BRINP3: variants seen among roughly 807,000 people sequenced by gnomAD.
BRINP3 encodes the protein BMP/retinoic acid inducible neural specific 3, also known as BMP/retinoic acid-inducible neural-specific protein 3.
A neutral mutation model predicts 71.0 loss-of-function variants in BRINP3; 19 were observed. The observed-to-expected ratio is 0.27, with a 90% confidence interval of 0.19 to 0.39. The LOEUF is 0.39. BRINP3 is among the 10% of genes least tolerant of loss of function. The probability of loss-of-function intolerance (pLI) is 1.00; values close to 1 mark genes in which losing one functional copy is unlikely to be tolerated. For synonymous variants in BRINP3, 380 were observed against 337.7 expected, an observed-to-expected ratio of 1.13 and a Z score of -1.37; for missense variants, 959 against 940.8, an observed-to-expected ratio of 1.02 and a Z score of -0.25.
At chr1:190,116,783 C>A (rs777952744) in intron 7 of BRINP3, among the ~76,000 whole-genome samples, 65 of 151,978 alleles carry the variant, frequency 4.3e-4, no homozygotes, top group African/African-American at 1.5e-3. Context: ...TAACTATTTG[C>A]CTGTGAAATA....
At chr1:190,466,904 A>C (rs971799927) in intron 1 of BRINP3, among the ~76,000 whole-genome samples, 1 of 151,654 alleles carries the variant, frequency 6.6e-6, no homozygotes, top group Non-Finnish European at 1.5e-5. Context: ...TAATTTAAAA[A>C]AATTATTGGA....
chr1:190,454,837 C>A lies in BRINP3; in HGVS notation c.54G>T (p.Trp18Cys). 1 of 1,614,164 alleles carries A rather than the reference C, an allele frequency of 6.2e-7. No homozygotes were observed. Among genetic ancestry groups the A allele is most frequent in the Non-Finnish European group, 8.5e-7 (1 of 1,180,028 alleles). ...AATGAAGACTCAGTGCTATCCACTC[C>A]CATAGAGCCATCAGAGAGAACAATT... Reference protein sequence around the residue: ...GAELFSLMALWEWIALSLHCW... With the variant: ...GAELFSLMALCEWIALSLHCW... The change falls in exon 2 of 8, where the codon TGG becomes TGT. Residue 18 changes from tryptophan (W) to cysteine (C), a missense_variant. Coordinates refer to ENST00000367462, the MANE Select transcript of BRINP3 (RefSeq NM_199051.3).
chr1:190,427,188 C>T (rs950158023), intron 2 of BRINP3, among the ~76,000 whole-genome samples: 6 of 151,660 alleles, frequency 4.0e-5, no homozygotes, highest in East Asian at 1.9e-4. Context: ...TTATAAATAG[C>T]GTATGTAAAA....
intron 1 of BRINP3, among the ~76,000 whole-genome samples, chr1:190,472,463 A>G (rs1413535022): frequency 6.6e-6 from 1 of 151,734 alleles, no homozygotes; most frequent in African/African-American, 2.4e-5. Context: ...TTTTTTTTCT[A>G]AAAACAATAT....
At chr1:190,371,040 C>T (rs188902410) in intron 2 of BRINP3, among the ~76,000 whole-genome samples, 3 of 152,128 alleles carry the variant, frequency 2.0e-5, no homozygotes, top group South Asian at 2.1e-4. Flanking sequence ...TGTTCAATTG[C>T]TATTGAATTG....
intron 2 of BRINP3, among the ~76,000 whole-genome samples, chr1:190,452,180 T>C (rs1211553617): frequency 2.0e-5 from 3 of 152,160 alleles, no homozygotes; most frequent in Admixed American, 2.0e-4. Flanking sequence ...TTCTAAAATA[T>C]TTTTGAAGAC....
At chr1:190,140,475 A>T (rs1435046730) in intron 7 of BRINP3, among the ~76,000 whole-genome samples, 1 of 152,150 alleles carries the variant, frequency 6.6e-6, no homozygotes, top group African/African-American at 2.4e-5. Context: ...AATGTGCCAC[A>T]CAGAACTATA....
chr1:190,175,248 G>A (rs562511140), intron 6 of BRINP3, among the ~76,000 whole-genome samples: 53 of 152,012 alleles, frequency 3.5e-4, no homozygotes, highest in East Asian at 1.4e-3. Context: ...GTTATCAGAG[G>A]GATTGATCTA....
intron 7 of BRINP3, among the ~76,000 whole-genome samples, chr1:190,119,467 G>A (rs1209075960): frequency 6.6e-6 from 1 of 151,900 alleles, no homozygotes; most frequent in Non-Finnish European, 1.5e-5. Context: ...GTAGAGATGG[G>A]GTTTCACCAT....
intron 3 of BRINP3, among the ~76,000 whole-genome samples, chr1:190,275,312 C>A (rs1478120114): frequency 6.6e-6 from 1 of 151,464 alleles, no homozygotes; most frequent in East Asian, 1.9e-4. Flanking sequence ...AAGATTATTT[C>A]TCAGAACAGT....
At chr1:190,228,453 A>T (rs988371798) in intron 5 of BRINP3, among the ~76,000 whole-genome samples, 1 of 151,976 alleles carries the variant, frequency 6.6e-6, no homozygotes, top group African/African-American at 2.4e-5. Context: ...TACAACGTTG[A>T]ATCTGTAAGA....
At chr1:190,352,014 C>T (rs947429320) in intron 2 of BRINP3, among the ~76,000 whole-genome samples, 5 of 151,636 alleles carry the variant, frequency 3.3e-5, no homozygotes, top group East Asian at 1.9e-4. Flanking sequence ...AAATGCCAGA[C>T]GTAAATCTTT....
At chr1:190,202,527 G>A (rs1655094026) in intron 6 of BRINP3, among the ~76,000 whole-genome samples, 1 of 152,002 alleles carries the variant, frequency 6.6e-6, no homozygotes, top group Admixed American at 6.6e-5. Context: ...GATTTGGGAG[G>A]GGCAAGAGGT....
In BRINP3 at chr1:190,287,056, T is replaced by TA. The variant is rs920290660; in HGVS notation, c.237-5307dup. Among the ~76,000 whole-genome samples the TA allele has an allele frequency of 7.1e-3, 935 of 131,058 alleles. 8 individuals are homozygous for TA. Among genetic ancestry groups the TA allele is most frequent in the Middle Eastern group, 0.023 (6 of 262 alleles). 86.0% of individuals were successfully genotyped at this position (131,058 alleles called of 152,430 possible). Reference sequence around the variant, plus strand: ...CAACATGGTGAAACCCTGTCTCTACTAAAAAAAAAAAGAAAAAAAAAATAG... The same window carrying TA: ...CAACATGGTGAAACCCTGTCTCTACTAAAAAAAAAAAAGAAAAAAAAAATAG... On this transcript the variant is annotated intron_variant, in intron 2 of 7. Transcript: ENST00000367462.
chr1:190,107,929 C>G lies in BRINP3; in HGVS notation c.1185-8795G>C, dbSNP rs146827435. Reference sequence around the variant, plus strand: ...ATTTCTGGTATTGTAAGTCATGTGACTGCTATGTCATCAAATAACAATATG... The same window carrying G: ...ATTTCTGGTATTGTAAGTCATGTGAGTGCTATGTCATCAAATAACAATATG... On this transcript the variant is annotated intron_variant, in intron 7 of 7. Transcript: ENST00000367462. 2.0e-5 allele frequency among the ~76,000 whole-genome samples: 3 copies of G among 151,952 alleles called. No homozygotes were observed. The East Asian group carries it at 5.8e-4, about 29-fold the overall frequency.
At chr1:190,407,337 G>C (rs1672349043) in intron 2 of BRINP3, among the ~76,000 whole-genome samples, 1 of 151,960 alleles carries the variant, frequency 6.6e-6, no homozygotes, top group African/African-American at 2.4e-5. Flanking sequence ...GGGGGAGCAG[G>C]GTACACCTAC....
At chr1:190,301,204 CATATATATATATATAT>C (rs369121473) in intron 2 of BRINP3, among the ~76,000 whole-genome samples, 77 of 106,338 alleles carry the variant, frequency 7.2e-4, no homozygotes, top group African/African-American at 2.5e-3. Context: ...TATACACATA[CATATATATATATATAT>C]ATATATATAT....
intron 2 of BRINP3, among the ~76,000 whole-genome samples, chr1:190,320,664 C>G (rs984889216): frequency 1.3e-5 from 2 of 151,944 alleles, no homozygotes; most frequent in Non-Finnish European, 2.9e-5. Flanking sequence ...GTCATAGTCA[C>G]TCCCACCCCC....
intron 4 of BRINP3, among the ~76,000 whole-genome samples, chr1:190,248,638 A>G (rs773316957): frequency 1.3e-5 from 2 of 151,656 alleles, no homozygotes; most frequent in East Asian, 1.9e-4. Flanking sequence ...TAGGATATCA[A>G]TTTTTTTGCA....
Sources: allele counts gnomAD v4.1 joint callset (sites outside exome capture counted in the v4.1 genomes callset), GRCh38; gene constraint gnomAD v4.1.1; transcripts MANE v1.5; gene names NCBI Gene and HGNC (gene_info 2026-07-23, HGNC 2026-07-21).